The following CNBD1 variants were observed in gnomAD, a reference collection of about 807,000 sequenced individuals.
The protein encoded by CNBD1 is cyclic nucleotide-binding domain-containing protein 1.
CNBD1 carries 71 observed loss-of-function variants against 54.4 expected under a neutral mutation model. That is an observed-to-expected ratio of 1.30 (90% CI 1.08 to 1.59). CNBD1 has a LOEUF of 1.59. CNBD1 is among the 40% of genes most tolerant of loss of function. The pLI is 0.00. For synonymous variants in CNBD1, 182 were observed against 170.7 expected, an observed-to-expected ratio of 1.07 and a Z score of -0.51; for missense variants, 659 against 518.0, an observed-to-expected ratio of 1.27 and a Z score of -2.64.
At chr8:87,282,638 T>C (rs1009212379) in intron 6 of CNBD1, among the ~76,000 whole-genome samples, 2 of 151,990 alleles carry the variant, frequency 1.3e-5, no homozygotes, top group African/African-American at 4.8e-5. Flanking sequence ...TTGGAAGTTT[T>C]ATAATTTCCT....
At position 87,086,437 on chromosome 8, in the gene CNBD1, T is replaced by C. The variant is rs148599986; in HGVS notation, c.432-119556T>C. 8.3e-3 allele frequency among the ~76,000 whole-genome samples: 1,264 copies of C among 152,346 alleles called. 25 individuals carry two copies. Among genetic ancestry groups the C allele is most frequent in the Middle Eastern group, 0.027 (8 of 294 alleles). On this transcript the variant is annotated intron_variant, in intron 4 of 10. Coordinates refer to ENST00000518476, the MANE Select transcript of CNBD1 (RefSeq NM_173538.3). ...TTGTTAGAAGGTGGGAGAGGCATTC[T>C]TTCCAGCTTTTTACTTGCTAAGCCA...
At chr8:87,031,134 TAA>T (rs1243596282) in intron 4 of CNBD1, among the ~76,000 whole-genome samples, 1 of 151,652 alleles carries the variant, frequency 6.6e-6, no homozygotes, top group Non-Finnish European at 1.5e-5. Context: ...CATCGATATA[TAA>T]TTAAAAATGG....
rs541842816 is a variant in CNBD1, at chr8:87,015,259, T to A, written c.431+75505T>A. ...GTGCAGTGGCACGATCTTGGCTCAC[T>A]GCAAGCTCCACCTCCCAGGTTCATG... is the stretch of plus-strand genomic sequence containing the variant. On this transcript the variant is annotated intron_variant, in intron 4 of 10. Coordinates refer to ENST00000518476, the MANE Select transcript of CNBD1 (RefSeq NM_173538.3). Among the ~76,000 whole-genome samples the A allele has an allele frequency of 2.0e-5, 3 of 152,286 alleles. No homozygotes were observed. In the East Asian group the frequency reaches 5.8e-4, roughly 29 times the overall value.
chr8:87,389,195 C>G (rs950234892), intron 2 of CNBD1, among the ~76,000 whole-genome samples: 3 of 152,146 alleles, frequency 2.0e-5, no homozygotes, highest in African/African-American at 7.2e-5. Flanking sequence ...TGGCACAAGA[C>G]AGGGATGCCC....
intron 8 of CNBD1, among the ~76,000 whole-genome samples, chr8:87,319,855 G>A (rs1009160736): frequency 6.6e-6 from 1 of 152,008 alleles, no homozygotes; most frequent in African/African-American, 2.4e-5. Context: ...AAGGTAATGT[G>A]TATGAGCCTA....
intron 4 of CNBD1, among the ~76,000 whole-genome samples, chr8:86,972,396 G>A (rs900370331): frequency 2.0e-5 from 3 of 152,144 alleles, no homozygotes; most frequent in Non-Finnish European, 4.4e-5. Flanking sequence ...AAATGTAAGA[G>A]TAGAAGCATA....
chr8:87,365,865 T>G (rs564023236), intron 10 of CNBD1, among the ~76,000 whole-genome samples: 1 of 152,086 alleles, frequency 6.6e-6, no homozygotes, highest in South Asian at 2.1e-4. Flanking sequence ...CAAAGGAATT[T>G]TATAATGTCT....
At chr8:87,351,447 G>T (rs1810290173) in intron 8 of CNBD1, among the ~76,000 whole-genome samples, 1 of 152,072 alleles carries the variant, frequency 6.6e-6, no homozygotes, top group Non-Finnish European at 1.5e-5. Context: ...GCATATCAGT[G>T]CCTTTACTGC....
intron 2 of CNBD1, among the ~76,000 whole-genome samples, chr8:86,891,904 T>A (rs1334153730): frequency 6.6e-6 from 1 of 152,060 alleles, no homozygotes; most frequent in Non-Finnish European, 1.5e-5. Flanking sequence ...TTTTTGTACG[T>A]TGATTTTGTA....
rs530028058 is a variant in CNBD1, at chr8:87,178,119, T to G, written c.432-27874T>G. On this transcript the variant is annotated intron_variant, in intron 4 of 10. Coordinates refer to ENST00000518476, the MANE Select transcript of CNBD1 (RefSeq NM_173538.3). ...CAATAAAAATCTATTGAGCACGTTCTAAATGCCAGACACTCTTCATAGTAC... is the reference window on the plus strand; with the variant it reads ...CAATAAAAATCTATTGAGCACGTTCGAAATGCCAGACACTCTTCATAGTAC... Among the ~76,000 whole-genome samples the G allele has an allele frequency of 1.6e-3, 244 of 152,256 alleles. 1 individual carries two copies. Among genetic ancestry groups the G allele is most frequent in the Non-Finnish European group, 2.6e-3 (178 of 67,978 alleles).
At chr8:87,246,619 C>T (rs912651152) in intron 6 of CNBD1, among the ~76,000 whole-genome samples, 8 of 151,992 alleles carry the variant, frequency 5.3e-5, no homozygotes, top group African/African-American at 1.7e-4. Flanking sequence ...ACAAAATTAC[C>T]TGGACACAGA....
intron 8 of CNBD1, among the ~76,000 whole-genome samples, chr8:87,345,737 A>T (rs1270760720): frequency 6.6e-6 from 1 of 152,192 alleles, no homozygotes; most frequent in African/African-American, 2.4e-5. Flanking sequence ...AGACTTAAAA[A>T]TTAAATTGGA....
At chr8:86,868,032 T>A (rs1808389182) in intron 1 of CNBD1, among the ~76,000 whole-genome samples, 1 of 152,212 alleles carries the variant, frequency 6.6e-6, no homozygotes, top group Non-Finnish European at 1.5e-5. Context: ...TTAATAACTG[T>A]GTCTTTTTGC....
At chr8:87,180,140 C>T (rs1469234920) in intron 4 of CNBD1, among the ~76,000 whole-genome samples, 1 of 151,766 alleles carries the variant, frequency 6.6e-6, no homozygotes, top group African/African-American at 2.4e-5. Flanking sequence ...TGAGACTGCC[C>T]AGGAAATGCA....
chr8:87,313,847 T>A (rs28721895), intron 8 of CNBD1, among the ~76,000 whole-genome samples: 1,663 of 152,038 alleles, frequency 0.011, 40 homozygotes, highest in African/African-American at 0.038. Flanking sequence ...AAGGAAAACA[T>A]GTCAGCAACA....
chr8:87,031,068 GT>G (rs1395135562), intron 4 of CNBD1, among the ~76,000 whole-genome samples: 2 of 149,892 alleles, frequency 1.3e-5, no homozygotes, highest in Admixed American at 6.7e-5. Context: ...TCACAGTTGG[GT>G]TTTATAGATG....
At chr8:86,937,113 G>C (rs971318746) in intron 3 of CNBD1, among the ~76,000 whole-genome samples, 11 of 152,126 alleles carry the variant, frequency 7.2e-5, no homozygotes, top group Admixed American at 6.5e-4. Context: ...GGCTGAGGTA[G>C]GACTCACAAT....
At chr8:87,350,483 G>A (rs1449768433) in intron 8 of CNBD1, among the ~76,000 whole-genome samples, 1 of 151,492 alleles carries the variant, frequency 6.6e-6, no homozygotes, top group East Asian at 1.9e-4. Flanking sequence ...TTTTGCTGGT[G>A]GTAAATTATA....
At chr8:87,030,141 A>G (rs1382647132) in intron 4 of CNBD1, among the ~76,000 whole-genome samples, 1 of 152,206 alleles carries the variant, frequency 6.6e-6, no homozygotes, top group Non-Finnish European at 1.5e-5. Flanking sequence ...GCTTGATGGC[A>G]CTAACTTTTT....
Sources: allele counts gnomAD v4.1 joint callset (sites outside exome capture counted in the v4.1 genomes callset), GRCh38; gene constraint gnomAD v4.1.1; transcripts MANE v1.5; gene names NCBI Gene and HGNC (gene_info 2026-07-23, HGNC 2026-07-21).